Variants in SPAG16 observed in about 807,000 individuals in gnomAD.
SPAG16 encodes the protein sperm-associated antigen 16 protein.
SPAG16 carries 86 observed loss-of-function variants against 80.4 expected under a neutral mutation model. The observed-to-expected ratio is 1.07, with a 90% CI of 0.90 to 1.28. SPAG16 has a LOEUF of 1.28. SPAG16 is among the 50% of genes most tolerant of loss of function. The pLI, the probability that SPAG16 is intolerant of heterozygous loss-of-function variation, is 0.00. For synonymous variants in SPAG16, 294 were observed against 265.9 expected (o/e 1.11, Z -1.03); for missense variants, 870 against 765.3 (o/e 1.14, Z -1.61).
At position 213,745,054 on chromosome 2, in the gene SPAG16, C is replaced by T. The variant is rs188821961; in HGVS notation, c.1071-117431C>T. Among the ~76,000 whole-genome samples, 104 of 152,184 alleles carry T rather than the reference C, an allele frequency of 6.8e-4. 3 individuals are homozygous for T. The highest frequency in any genetic ancestry group is 6.7e-3 in the Admixed American group (102 of 15,284). On this transcript the variant is annotated intron_variant, in intron 10 of 15. Coordinates refer to ENST00000331683, the MANE Select transcript of SPAG16 (RefSeq NM_024532.5). Reference sequence around the variant, plus strand: ...ACATAAATTCACCTACACAACTTTTCCAAAACTGTTATGGTTTCACGTTTT... The same window carrying T: ...ACATAAATTCACCTACACAACTTTTTCAAAACTGTTATGGTTTCACGTTTT...
Position 214,160,708 on chromosome 2 carries a change from TA to T in SPAG16, c.1720+11447del, listed in dbSNP as rs1218206295. Reference sequence around the variant, plus strand: ...CTGTGTATGTACGTATGTAAGTTTCTAAAAACTATGTTTTGCTATGCATTCC... The same window carrying T: ...CTGTGTATGTACGTATGTAAGTTTCTAAAACTATGTTTTGCTATGCATTCC... On this transcript the variant is annotated intron_variant, in intron 15 of 15. Coordinates refer to ENST00000331683, the MANE Select transcript of SPAG16 (RefSeq NM_024532.5). Among the ~76,000 whole-genome samples, 72 of 152,208 alleles carry T rather than the reference TA, an allele frequency of 4.7e-4. 1 individual carries two copies. Among genetic ancestry groups the T allele is most frequent in the South Asian group, 2.1e-3 (10 of 4,832 alleles).
intron 12 of SPAG16, among the ~76,000 whole-genome samples, chr2:213,933,116 T>C (rs998765329): frequency 2.6e-5 from 4 of 152,110 alleles, no homozygotes; most frequent in African/African-American, 9.7e-5. Flanking sequence ...ACATTTAAAC[T>C]ACAATATAAT....
intron 13 of SPAG16, among the ~76,000 whole-genome samples, chr2:214,086,558 C>T (rs1162298809): frequency 6.6e-6 from 1 of 151,992 alleles, no homozygotes; most frequent in Non-Finnish European, 1.5e-5. Context: ...AGAGGCATTT[C>T]CTCCCTTATT....
At chr2:213,594,037 A>T (rs1304093932) in intron 10 of SPAG16, among the ~76,000 whole-genome samples, 3 of 151,672 alleles carry the variant, frequency 2.0e-5, no homozygotes, top group Admixed American at 1.3e-4. Flanking sequence ...GGCCTCCCAA[A>T]GTGCTGGGAT....
chr2:213,285,507 A>G (rs537084339), intron 1 of SPAG16, among the ~76,000 whole-genome samples: 1 of 152,310 alleles, frequency 6.6e-6, no homozygotes, highest in South Asian at 2.1e-4. Flanking sequence ...GGAAACTCCA[A>G]AATCTGCCAA....
chr2:214,001,246 T>A (rs911610143), intron 12 of SPAG16, among the ~76,000 whole-genome samples: 1 of 152,236 alleles, frequency 6.6e-6, no homozygotes, highest in African/African-American at 2.4e-5. Flanking sequence ...TTATTTCCTT[T>A]TGTGTTTAAA....
chr2:214,316,162 T>C (rs1051679231), intron 15 of SPAG16, among the ~76,000 whole-genome samples: 1 of 151,782 alleles, frequency 6.6e-6, no homozygotes, highest in African/African-American at 2.4e-5. Context: ...TTTTTTTAGA[T>C]TTTCTTTGCA....
intron 10 of SPAG16, among the ~76,000 whole-genome samples, chr2:213,852,469 A>G (rs2074956885): frequency 6.6e-6 from 1 of 152,082 alleles, no homozygotes. Flanking sequence ...CTCGCTCCCT[A>G]TCCATCCTCA....
rs571874712 is a variant in SPAG16, at chr2:213,474,321, C to T, written c.943-15642C>T. On this transcript the variant is annotated intron_variant, in intron 9 of 15. Transcript: ENST00000331683. The stretch of plus-strand genomic sequence containing the variant: ...TGTCTTTTTTTCCACAATTTCAGCT[C>T]GTTCTCTACAGGAGATAGGTCTCTC... Among the ~76,000 whole-genome samples, 16 of 152,218 alleles carry T rather than the reference C, an allele frequency of 1.1e-4. No individual in the cohort carries two copies. The East Asian group carries it at 2.5e-3, about 24-fold the overall frequency.
In SPAG16 at chr2:213,387,431, C is replaced by CT. The variant is rs71060428; in HGVS notation, c.942+12341dup. 6.4e-3 allele frequency among the ~76,000 whole-genome samples: 305 copies of CT among 47,878 alleles called. 52 individuals carry two copies. Among genetic ancestry groups the CT allele is most frequent in the South Asian group, 0.019 (14 of 738 alleles). 31.4% of individuals were successfully genotyped at this position (47,878 alleles called of 152,430 possible). A position where few individuals can be genotyped will look rare whatever the true frequency, so the allele number is the denominator to read the frequency against. The stretch of plus-strand genomic sequence containing the variant: ...TTTGGGTTGGAATGAAATGCATGCT[C>CT]TTTTTTTTTTTTTTTTTTTTTTTTT... On this transcript the variant is annotated intron_variant, in intron 9 of 15. Transcript: ENST00000331683.
intron 11 of SPAG16, among the ~76,000 whole-genome samples, chr2:213,881,762 A>T (rs1471161647): frequency 6.6e-6 from 1 of 152,118 alleles, no homozygotes; most frequent in Non-Finnish European, 1.5e-5. Context: ...TCCTTGACAC[A>T]TGGGGATTAT....
intron 10 of SPAG16, among the ~76,000 whole-genome samples, chr2:213,503,601 A>G (rs1465869759): frequency 6.6e-6 from 1 of 152,232 alleles, no homozygotes; most frequent in East Asian, 1.9e-4. Flanking sequence ...CTCATAAGGA[A>G]TGACACAGGG....
intron 10 of SPAG16, among the ~76,000 whole-genome samples, chr2:213,632,909 A>G (rs2062209166): frequency 6.6e-6 from 1 of 152,172 alleles, no homozygotes; most frequent in African/African-American, 2.4e-5. Context: ...AATATTCATC[A>G]GAGATATTCA....
chr2:214,333,810 G>C (rs1697094506), intron 15 of SPAG16, among the ~76,000 whole-genome samples: 1 of 152,132 alleles, frequency 6.6e-6, no homozygotes, highest in Admixed American at 6.5e-5. Context: ...GAAAAAATGA[G>C]ACCCAAAGAA....
At chr2:213,576,818 CA>C (rs1304436691) in intron 10 of SPAG16, among the ~76,000 whole-genome samples, 3 of 151,936 alleles carry the variant, frequency 2.0e-5, no homozygotes, top group Non-Finnish European at 4.4e-5. Context: ...TAGAGGGGAA[CA>C]AAACACACTG....
intron 15 of SPAG16, among the ~76,000 whole-genome samples, chr2:214,300,843 G>A (rs1694493534): frequency 6.6e-6 from 1 of 151,758 alleles, no homozygotes; most frequent in Admixed American, 6.6e-5. Context: ...ACAAAGAGCT[G>A]ACACAAGTCT....
At chr2:213,840,190 T>G (rs973866070) in intron 10 of SPAG16, among the ~76,000 whole-genome samples, 1 of 152,216 alleles carries the variant, frequency 6.6e-6, no homozygotes, top group Non-Finnish European at 1.5e-5. Flanking sequence ...GAATTTGTAT[T>G]TTTAATCGTT....
intron 10 of SPAG16, among the ~76,000 whole-genome samples, chr2:213,542,394 A>G (rs2076477376): frequency 6.6e-6 from 1 of 152,148 alleles, no homozygotes; most frequent in Admixed American, 6.5e-5. Context: ...TGGGATAAAA[A>G]TTTGTCTAGT....
intron 9 of SPAG16, among the ~76,000 whole-genome samples, chr2:213,387,429 C>CTTTTTTTTTTTTTTTTTT (rs1491308938): frequency 7.0e-5 from 5 of 71,758 alleles, no homozygotes; most frequent in Admixed American, 2.2e-4. Context: ...GAAATGCATG[C>CTTTTTTTTTTTTTTTTTT]TCTTTTTTTT....
Sources: gnomAD v4.1 joint callset for allele counts (sites outside exome capture counted in the v4.1 genomes callset) on GRCh38, gnomAD v4.1.1 for gene constraint, MANE v1.5 for transcripts, NCBI Gene and HGNC (gene_info 2026-07-23, HGNC 2026-07-21) for gene names.